SEMA6D: variants seen among roughly 807,000 people sequenced by gnomAD.
SEMA6D encodes the protein semaphorin-6D.
Under a neutral mutation model 106.6 loss-of-function variants are expected in SEMA6D, and 35 were observed. The observed-to-expected ratio is 0.33, with a 90% CI of 0.25 to 0.44. SEMA6D has a LOEUF of 0.44. Among genes scored for constraint, SEMA6D ranks in the 20% least tolerant of loss-of-function variants. The pLI is 1.00. For synonymous variants in SEMA6D, 499 were observed against 487.7 expected, an observed-to-expected ratio of 1.02 and a Z score of -0.31; for missense variants, 1,185 against 1,345.9, an observed-to-expected ratio of 0.88 and a Z score of 1.87.
At chr15:47,685,270 A>G (rs2078444511) in intron 4 of SEMA6D, among the ~76,000 whole-genome samples, 1 of 152,238 alleles carries the variant, frequency 6.6e-6, no homozygotes, top group Non-Finnish European at 1.5e-5. Flanking sequence ...AATCCCTAGA[A>G]AACAGTGCCT....
chr15:47,293,376 G>T (rs909189585), intron 1 of SEMA6D, among the ~76,000 whole-genome samples: 6 of 152,134 alleles, frequency 3.9e-5, no homozygotes, highest in African/African-American at 1.4e-4. Flanking sequence ...GTTCCTTACT[G>T]GGCTGTCTGC....
chr15:47,540,735 G>C (rs1206233464), intron 3 of SEMA6D, among the ~76,000 whole-genome samples: 1 of 152,168 alleles, frequency 6.6e-6, no homozygotes, highest in Non-Finnish European at 1.5e-5. Context: ...GGGGAAAACT[G>C]TGGAAGGGAC....
At chr15:47,511,725 T>C (rs2044237399) in intron 3 of SEMA6D, among the ~76,000 whole-genome samples, 1 of 152,164 alleles carries the variant, frequency 6.6e-6, no homozygotes, top group African/African-American at 2.4e-5. Context: ...TCAAGGGAGC[T>C]GAGTAGGATT....
At chr15:47,531,877 G>A (rs2044984195) in intron 3 of SEMA6D, among the ~76,000 whole-genome samples, 1 of 152,170 alleles carries the variant, frequency 6.6e-6, no homozygotes, top group African/African-American at 2.4e-5. Context: ...GGAGGGGAGG[G>A]GATTCTTGTT....
chr15:47,489,631 C>T (rs1745291109), intron 3 of SEMA6D, among the ~76,000 whole-genome samples: 1 of 152,054 alleles, frequency 6.6e-6, no homozygotes, highest in South Asian at 2.1e-4. Flanking sequence ...ATACCAATTG[C>T]ATGTCAAGTT....
intron 3 of SEMA6D, among the ~76,000 whole-genome samples, chr15:47,561,027 T>C (rs2142678915): frequency 6.6e-6 from 1 of 151,798 alleles, no homozygotes; most frequent in East Asian, 1.9e-4. Flanking sequence ...TAGTATGTTA[T>C]TAAGGGTGCT....
intron 1 of SEMA6D, among the ~76,000 whole-genome samples, chr15:47,251,941 A>G (rs1595547853): frequency 1.0e-5 from 1 of 95,982 alleles, no homozygotes. Flanking sequence ...TTTGAGACGG[A>G]GTCTCGCTCT....
chr15:47,771,443 A>T lies in SEMA6D; in HGVS notation c.2880A>T (p.Arg960Ser). ...GAGTCCCAATGACTTCTCTGGAAAG[A>T]CAAAGAGGTTATCACAAAAATTCCT... ...TPGVPMTSLE[R>S]QRGYHKNSSQ... The change falls in exon 19 of 19, where the codon AGA becomes AGT. Residue 960 changes from arginine (R) to serine (S), a missense_variant. Coordinates refer to ENST00000536845, the MANE Select transcript of SEMA6D (RefSeq NM_001358351.3). 1.2e-6 allele frequency: 2 copies of T among 1,614,118 alleles called. No homozygotes were observed. The highest frequency in any genetic ancestry group is 1.7e-6 in the Non-Finnish European group (2 of 1,180,002).
At chr15:47,223,639 G>C (rs768622598) in intron 1 of SEMA6D, among the ~76,000 whole-genome samples, 1 of 151,980 alleles carries the variant, frequency 6.6e-6, no homozygotes, top group Non-Finnish European at 1.5e-5. Context: ...AGCTTCCTGT[G>C]CATGAACTTT....
chr15:47,347,206 A>G (rs966705083), intron 1 of SEMA6D, among the ~76,000 whole-genome samples: 24 of 152,282 alleles, frequency 1.6e-4, no homozygotes, highest in African/African-American at 5.5e-4. Context: ...CCACACCAAA[A>G]GAGTTTTTCT....
intron 4 of SEMA6D, among the ~76,000 whole-genome samples, chr15:47,661,896 A>G (rs969476859): frequency 6.6e-6 from 1 of 152,208 alleles, no homozygotes; most frequent in Non-Finnish European, 1.5e-5. Flanking sequence ...CAGCCTAGAT[A>G]TCTTGCACAG....
At chr15:47,329,960 G>C (rs1308454246) in intron 1 of SEMA6D, among the ~76,000 whole-genome samples, 1 of 152,090 alleles carries the variant, frequency 6.6e-6, no homozygotes, top group Non-Finnish European at 1.5e-5. Flanking sequence ...CTGCACACTT[G>C]GTAAGGTGAC....
intron 1 of SEMA6D, among the ~76,000 whole-genome samples, chr15:47,240,534 A>G (rs1455993934): frequency 6.6e-6 from 1 of 152,156 alleles, no homozygotes; most frequent in Admixed American, 6.6e-5. Context: ...GATCATTTCC[A>G]ACTTCAGCAT....
At chr15:47,240,457 A>G (rs2032834285) in intron 1 of SEMA6D, among the ~76,000 whole-genome samples, 1 of 152,210 alleles carries the variant, frequency 6.6e-6, no homozygotes. Context: ...CTGGTTGCTT[A>G]GGAAATTTTA....
At chr15:47,319,342 C>A (rs2036831212) in intron 1 of SEMA6D, among the ~76,000 whole-genome samples, 1 of 152,036 alleles carries the variant, frequency 6.6e-6, no homozygotes, top group Admixed American at 6.6e-5. Flanking sequence ...GTGTTTTTTG[C>A]CATTTTGTAT....
rs2040718035 is a variant in SEMA6D, at chr15:47,409,703, C to T, written c.-238-2690C>T. On this transcript the variant is annotated intron_variant, in intron 1 of 19. Coordinates refer to the SEMA6D transcript ENST00000558014. ...GGTGAAGTTATTTGTCAAAAGCCAC[C>T]AAACCAAGTAGAAGCCAAGCTAAGG... is the stretch of plus-strand genomic sequence containing the variant. 2.6e-5 allele frequency among the ~76,000 whole-genome samples: 4 copies of T among 151,998 alleles called. No homozygotes were observed. In the South Asian group the frequency reaches 8.3e-4, roughly 32 times the overall value.
Position 47,764,612 on chromosome 15 carries a change from A to G in SEMA6D, c.1098-26A>G, listed in dbSNP as rs753881266. 30 of 1,612,664 alleles carry G rather than the reference A, an allele frequency of 1.9e-5. No individual in the cohort carries two copies. The South Asian group carries it at 2.2e-4, about 12-fold the overall frequency. ...TGGTGTGGCAGGGGCAGCCGAGAGC[A>G]TAAAATAACGCTGTTTTCCTTTCAG... On this transcript the variant is annotated intron_variant, in intron 11 of 18. Transcript: ENST00000536845.
intron 2 of SEMA6D, among the ~76,000 whole-genome samples, chr15:47,466,452 C>T (rs1314982052): frequency 6.6e-6 from 1 of 152,086 alleles, no homozygotes; most frequent in Admixed American, 6.5e-5. Flanking sequence ...ATAATGTCCT[C>T]AAAGTTCATT....
At chr15:47,229,904 AT>A (rs1452904261) in intron 1 of SEMA6D, among the ~76,000 whole-genome samples, 1 of 152,164 alleles carries the variant, frequency 6.6e-6, no homozygotes, top group Non-Finnish European at 1.5e-5. Context: ...GCCAGATAAA[AT>A]ATAGAACACT....
Sources: gnomAD v4.1 joint callset for allele counts (sites outside exome capture counted in the v4.1 genomes callset) on GRCh38, gnomAD v4.1.1 for gene constraint, MANE v1.5 for transcripts, NCBI Gene and HGNC (gene_info 2026-07-23, HGNC 2026-07-21) for gene names.